The following FASTKD1 variants were observed in gnomAD, a reference collection of about 807,000 sequenced individuals.
FASTKD1 encodes the protein FAST kinase domains 1.
In FASTKD1, 94 loss-of-function variants were observed where a neutral mutation model predicts 90.9. That is an observed-to-expected ratio of 1.03 (90% CI 0.88 to 1.23). The LOEUF is 1.23. Among genes scored for constraint, FASTKD1 ranks in the 50% most tolerant of loss-of-function variants. The probability of loss-of-function intolerance (pLI) is 0.00; values close to 1 mark genes in which losing one functional copy is unlikely to be tolerated. For missense variants in FASTKD1, 945 were observed against 993.5 expected, an observed-to-expected ratio of 0.95 and a Z score of 0.66; for synonymous variants, 319 against 345.8, an observed-to-expected ratio of 0.92 and a Z score of 0.86.
chr2:169,555,135 TTCTCTA>T lies in FASTKD1; in HGVS notation c.1197_1202del (p.Arg400_Glu401del). 3 of 1,608,496 alleles carry T rather than the reference TTCTCTA, an allele frequency of 1.9e-6. No homozygotes were observed. The highest frequency in any genetic ancestry group is 2.5e-6 in the Non-Finnish European group (3 of 1,178,548). ...TATTTTAATCTTACCTAAGCAGTAA[TTCTCTA>T]AGTTTCGCAAAAAACTCCTTCCTTT... On this transcript the variant is annotated inframe_deletion, in exon 7 of 15. Coordinates refer to ENST00000453153, the MANE Select transcript of FASTKD1 (RefSeq NM_024622.6).
chr2:169,560,622 G>C lies in FASTKD1; in HGVS notation c.736C>G (p.Gln246Glu), dbSNP rs1036291193. ...KFLRNVRYRY[Q>E]PLLERCNNVF... ...TTATTACATCTTTCTAATAGTGGTT[G>C]ATAACGATATCTAACATTTCGAAGA... The change falls in exon 5 of 15, where the codon CAA becomes GAA. Residue 246 changes from glutamine to glutamate, a missense_variant. By Grantham distance (29) the Gln-to-Glu change is conservative (BLOSUM62 2). Coordinates refer to ENST00000453153, the MANE Select transcript of FASTKD1 (RefSeq NM_024622.6). 9.9e-6 allele frequency: 16 copies of C among 1,612,170 alleles called. No homozygotes were observed. The highest frequency in any genetic ancestry group is 1.4e-5 in the Non-Finnish European group (16 of 1,179,372).
At position 169,530,589 on chromosome 2, in the gene FASTKD1, G is replaced by A. The variant is rs1325247786; in HGVS notation, c.2440C>T (p.Gln814Ter). ...TGAATTACATGAGTATTTCATACCT[G>A]AATTACACGATACCCCAGAATTTCC... The part of the protein sequence containing the change: ...HLEILGYRVI[Q>*]ISQFEWNSMA... The change falls in exon 14 of 15, where the codon CAG becomes TAG. Residue 814 changes from glutamine (Q) to a stop codon, truncating the protein, a stop_gained and splice_region_variant. Transcript: ENST00000453153. LOFTEE classifies it high-confidence loss of function. 2 of 1,585,108 alleles carry A rather than the reference G, an allele frequency of 1.3e-6. No individual in the cohort carries two copies. The highest frequency in any genetic ancestry group is 8.6e-7 in the Non-Finnish European group (1 of 1,159,640).
chr2:169,569,550 T>C (rs1049412681), intron 2 of FASTKD1, among the ~76,000 whole-genome samples: 2 of 152,198 alleles, frequency 1.3e-5, no homozygotes, highest in African/African-American at 4.8e-5. Context: ...TATGTCTTTG[T>C]TCTGATTTAA....
intron 8 of FASTKD1, 113 bp downstream of exon 8, chr2:169,546,105 T>C: frequency 1.7e-6 from 2 of 1,179,572 alleles, no homozygotes; most frequent in Non-Finnish European, 2.3e-6. Flanking sequence ...CCAGAATTTA[T>C]TTAATTTTTA....
intron 7 of FASTKD1, among the ~76,000 whole-genome samples, chr2:169,548,420 T>TAA (rs35933613): frequency 0.12 from 16,668 of 142,802 alleles, 995 homozygotes; most frequent in African/African-American, 0.14. Context: ...CAATAATTGT[T>TAA]AAAAAAAAAA....
intron 4 of FASTKD1, 31 bp downstream of exon 4, chr2:169,563,194 C>T (rs1183865274): frequency 1.2e-6 from 2 of 1,600,854 alleles, no homozygotes; most frequent in Non-Finnish European, 1.7e-6. Context: ...GATCTTTCCA[C>T]CACAACACAA....
At chr2:169,536,379 T>C (rs984947011) in intron 12 of FASTKD1, among the ~76,000 whole-genome samples, 1 of 152,090 alleles carries the variant, frequency 6.6e-6, no homozygotes, top group African/African-American at 2.4e-5. Context: ...TAATTGTCAC[T>C]GTCTCTTAAA....
In FASTKD1 at chr2:169,546,268, T is replaced by C. The variant is rs61730369; in HGVS notation, c.1651A>G (p.Thr551Ala). ...SFISSTDYLS[T>A]LLLDRIASVA... is the part of the protein sequence containing the mutation. ...GAGGCTATCCTATCTAGTAGCAAAG[T>C]ACTGAGGTAATCAGTACTAGAAATA... The change falls in exon 8 of 15, where the codon ACT (threonine) becomes GCT (alanine). Residue 551 changes from threonine to alanine, a missense_variant. Physicochemically the swap from Thr to Ala is moderately conservative, Grantham distance 58 (BLOSUM62 0). Transcript: ENST00000453153. 1.7e-4 allele frequency: 282 copies of C among 1,612,268 alleles called. No homozygotes were observed. In the African/African-American group the frequency reaches 3.5e-3, roughly 20 times the overall value.
chr2:169,543,230 G>A (rs1349127172), intron 9 of FASTKD1, among the ~76,000 whole-genome samples: 1 of 152,150 alleles, frequency 6.6e-6, no homozygotes, highest in Non-Finnish European at 1.5e-5. Flanking sequence ...TTGGGAGGCT[G>A]AGGTGGGTGG....
intron 3 of FASTKD1, among the ~76,000 whole-genome samples, chr2:169,568,252 T>G (rs1021225693): frequency 6.6e-5 from 10 of 152,158 alleles, no homozygotes; most frequent in Non-Finnish European, 1.5e-4. Context: ...GGCCTTCCTC[T>G]CTAATAAACT....
chr2:169,559,940 C>A (rs1271388059), intron 5 of FASTKD1, among the ~76,000 whole-genome samples: 1 of 152,152 alleles, frequency 6.6e-6, no homozygotes, highest in Non-Finnish European at 1.5e-5. Context: ...TTTGCTCAAA[C>A]CTGACATGGG....
At chr2:169,559,032 T>C (rs1056026368) in intron 5 of FASTKD1, among the ~76,000 whole-genome samples, 4 of 151,326 alleles carry the variant, frequency 2.6e-5, no homozygotes, top group Admixed American at 1.3e-4. Flanking sequence ...TGGAGTGTAA[T>C]GGCGCGATCT....
intron 7 of FASTKD1, among the ~76,000 whole-genome samples, chr2:169,554,195 C>T (rs1365584322): frequency 7.4e-6 from 1 of 135,472 alleles, no homozygotes; most frequent in Non-Finnish European, 1.5e-5. Flanking sequence ...GACTTCGAGG[C>T]TACAGCAAGT....
At chr2:169,537,013 C>G in intron 12 of FASTKD1, 15 of 107,226 alleles carry the variant, frequency 1.4e-4, no homozygotes, top group Admixed American at 2.3e-4. Flanking sequence ...TTTTTTTTTT[C>G]TAAAGAATAG....
At position 169,572,664 on chromosome 2, in the gene FASTKD1, AAAAT is replaced by A. The variant is rs1333801232; in HGVS notation, c.-142-497_-142-494del. Among the ~76,000 whole-genome samples the A allele has an allele frequency of 2.6e-5, 4 of 152,102 alleles. No homozygotes were observed. In the East Asian group the frequency reaches 5.8e-4, roughly 22 times the overall value. On this transcript the variant is annotated intron_variant, in intron 1 of 14. Coordinates refer to ENST00000453153, the MANE Select transcript of FASTKD1 (RefSeq NM_024622.6). The stretch of plus-strand genomic sequence containing the variant: ...GAGCTCAAATAATTCCTTTCTTTAG[AAAAT>A]AAATAAATAAAAGAAGTCATATAAT...
chr2:169,533,897 G>A (rs1054593593), intron 12 of FASTKD1, among the ~76,000 whole-genome samples: 1 of 152,052 alleles, frequency 6.6e-6, no homozygotes, highest in African/African-American at 2.4e-5. Flanking sequence ...TAGGCCAGGC[G>A]TGGTAGCTCA....
intron 3 of FASTKD1, among the ~76,000 whole-genome samples, chr2:169,567,871 C>T (rs2592787): frequency 0.74 from 112,721 of 151,860 alleles, 42,132 homozygotes; most frequent in East Asian, 0.95. Context: ...CAATAGACTA[C>T]AATCATCCAG....
chr2:169,532,107 C>T (rs570350447), intron 12 of FASTKD1, among the ~76,000 whole-genome samples: 7 of 152,166 alleles, frequency 4.6e-5, no homozygotes, highest in Middle Eastern at 6.3e-3. Context: ...TACGAACCCA[C>T]TGATGAGTCT....
intron 1 of FASTKD1, among the ~76,000 whole-genome samples, chr2:169,572,524 T>C (rs2105449644): frequency 6.6e-6 from 1 of 150,438 alleles, no homozygotes; most frequent in African/African-American, 2.4e-5. Context: ...TTCAGAGCCA[T>C]ATATATTTAT....
Sources: gnomAD v4.1 joint callset for allele counts (sites outside exome capture counted in the v4.1 genomes callset) on GRCh38, gnomAD v4.1.1 for gene constraint, MANE v1.5 for transcripts, NCBI Gene and HGNC (gene_info 2026-07-23, HGNC 2026-07-21) for gene names.